GPRC5C: variants seen among roughly 807,000 people sequenced by gnomAD.
GPRC5C encodes the protein G protein-coupled receptor family C group 5 member C.
A neutral mutation model predicts 31.4 loss-of-function variants in GPRC5C; 22 were observed. The observed-to-expected ratio is 0.70, with a 90% confidence interval of 0.50 to 1.00. The LOEUF (loss-of-function observed/expected upper bound fraction) is 1.00. Among genes scored for constraint, GPRC5C ranks in the 50% least tolerant of loss-of-function variants. The pLI is 0.00. For missense variants in GPRC5C, 557 were observed against 597.2 expected (o/e 0.93, Z 0.70); for synonymous variants, 249 against 257.5 (o/e 0.97, Z 0.32).
At position 74,440,734 on chromosome 17, in the gene GPRC5C, CG is replaced by C; in HGVS notation, c.962del (p.Gly321AlafsTer8). On this transcript the variant is annotated frameshift_variant, in exon 2 of 4. Transcript: ENST00000392627. LOFTEE classifies it high-confidence loss of function. The surrounding 1 kb of genome is among the most constrained non-coding windows in gnomAD (Gnocchi z 4.4). ...QSYQGDMYPT[R>X]GVGYETILKE... ...CTACCAGGGGGACATGTACCCCACC[CG>C]GGGCGTGGGCTATGAGACCATCCTG... The C allele has an allele frequency of 6.3e-7, 1 of 1,595,194 alleles. No individual in the cohort carries two copies. The highest frequency in any genetic ancestry group is 8.6e-7 in the Non-Finnish European group (1 of 1,167,082).
At chr17:74,436,885 T>C (rs2055439429) in intron 1 of GPRC5C, among the ~76,000 whole-genome samples, 1 of 152,202 alleles carries the variant, frequency 6.6e-6, no homozygotes, top group African/African-American at 2.4e-5. Flanking sequence ...CCATAAATTA[T>C]CTCCCAGGAG....
chr17:74,447,512 CTCTT>C (rs1480456677), downstream of GPRC5C: 10 of 237,344 alleles, frequency 4.2e-5, no homozygotes, highest in Non-Finnish European at 6.9e-5. Flanking sequence ...TGGGTGACTT[CTCTT>C]TCTTCCCTCC....
rs746003686 is a variant in GPRC5C, at chr17:74,439,964, C to G, written c.188C>G (p.Thr63Ser). 1.9e-6 allele frequency: 3 copies of G among 1,610,514 alleles called. No individual in the cohort carries two copies. Among genetic ancestry groups the G allele is most frequent in the Admixed American group, 1.7e-5 (1 of 60,018 alleles). Reference sequence around the variant, plus strand: ...GCCGTGGCTGGGGCGGGCATTGTCACCACGTTTGTGCTCACCATCATCCTG... The same window carrying G: ...GCCGTGGCTGGGGCGGGCATTGTCAGCACGTTTGTGCTCACCATCATCCTG... ...LEAVAGAGIV[T>S]TFVLTIILVA... The change falls in exon 2 of 4, where the codon ACC (threonine) becomes AGC (serine). Residue 63 changes from threonine (T) to serine (S), a missense_variant. Coordinates refer to ENST00000392627, the MANE Select transcript of GPRC5C (RefSeq NM_022036.4).
At position 74,439,845 on chromosome 17, in the gene GPRC5C, C is replaced by A; in HGVS notation, c.69C>A (p.Ala23=). 1.2e-6 allele frequency: 2 copies of A among 1,613,562 alleles called. No individual in the cohort carries two copies. Among genetic ancestry groups the A allele is most frequent in the Non-Finnish European group, 1.7e-6 (2 of 1,179,992 alleles). ...LPLFLFPGAW[A]QGHVPPGCSQ... ...TCTTCCTGTTCCCAGGGGCCTGGGC[C>A]CAGGGCCATGTCCCACCCGGCTGCA... Residue 23 remains alanine (A), a synonymous_variant, in exon 2 of 4, where the codon GCC becomes GCA. Coordinates refer to ENST00000392627, the MANE Select transcript of GPRC5C (RefSeq NM_022036.4).
In GPRC5C at chr17:74,432,141, G is replaced by C. The variant is rs1212938480; in HGVS notation, c.-33G>C. The C allele has an allele frequency of 6.2e-7, 1 of 1,611,972 alleles. No homozygotes were observed. The highest frequency in any genetic ancestry group is 1.7e-5 in the Admixed American group (1 of 59,842). On this transcript the variant is annotated splice_region_variant and 5_prime_UTR_variant, in exon 1 of 4. Coordinates refer to ENST00000392627, the MANE Select transcript of GPRC5C (RefSeq NM_022036.4). ...AAAGTACGAGTCGGCTCAGCCTGGA[G>C]GTGAGTCGGGGCGGGGAGGGCCGGG... is the stretch of plus-strand genomic sequence containing the variant.
intron 1 of GPRC5C, among the ~76,000 whole-genome samples, chr17:74,434,230 G>T (rs559101313): frequency 2.0e-5 from 3 of 152,198 alleles, no homozygotes; most frequent in Non-Finnish European, 2.9e-5. Context: ...GCTGTGGGGT[G>T]GGGGAGACTC....
chr17:74,440,181 G>T lies in GPRC5C; in HGVS notation c.405G>T (p.Ala135=). The part of the protein sequence containing the change: ...VLFAICFSCL[A]AHVFALNFLA... Reference sequence around the variant, plus strand: ...TCGCCATCTGCTTCTCTTGTCTGGCGGCTCACGTCTTTGCCCTCAACTTCC... The same window carrying T: ...TCGCCATCTGCTTCTCTTGTCTGGCTGCTCACGTCTTTGCCCTCAACTTCC... The change falls in exon 2 of 4, where the codon GCG becomes GCT. Residue 135 remains alanine, a synonymous_variant. Transcript: ENST00000392627. The surrounding 1 kb of genome is among the most constrained non-coding windows in gnomAD (Gnocchi z 4.4). 1.2e-6 allele frequency: 2 copies of T among 1,614,150 alleles called. No homozygotes were observed. The highest frequency in any genetic ancestry group is 1.7e-6 in the Non-Finnish European group (2 of 1,180,022).
chr17:74,440,502 G>T lies in GPRC5C; in HGVS notation c.726G>T (p.Gly242=). 6.2e-7 allele frequency: 1 copy of T among 1,614,160 alleles called. No homozygotes were observed. Among genetic ancestry groups the T allele is most frequent in the Non-Finnish European group, 8.5e-7 (1 of 1,180,040 alleles). Residue 242 remains glycine (G), a synonymous_variant, in exon 2 of 4, where the codon GGG becomes GGT. Coordinates refer to ENST00000392627, the MANE Select transcript of GPRC5C (RefSeq NM_022036.4). This position sits in a 1 kb window ranked among gnomAD's most constrained non-coding sequence, Gnocchi z 4.4. ...GCTACAAGCGCTGGCGTAAGCATGG[G>T]GTCTTTGTGCTCCTCACCACAGCCA... The part of the protein sequence containing the change: ...CGRYKRWRKH[G]VFVLLTTATS...
chr17:74,451,440 G>A (rs920158638), downstream of GPRC5C: 1 of 152,224 alleles, frequency 6.6e-6, no homozygotes, highest in African/African-American at 2.4e-5. Flanking sequence ...TTCTTAGGAG[G>A]AGAGAGGCAG....
At chr17:74,434,931 A>C (rs190507068) in intron 1 of GPRC5C, among the ~76,000 whole-genome samples, 2 of 151,552 alleles carry the variant, frequency 1.3e-5, no homozygotes, top group Non-Finnish European at 2.9e-5. Context: ...CTCAAGAAAA[A>C]AAAAAAGGCT....
At chr17:74,445,771 A>G (rs1180639031) in intron 3 of GPRC5C, 1 of 152,024 alleles carries the variant, frequency 6.6e-6, no homozygotes, top group African/African-American at 2.4e-5. Flanking sequence ...AGGAGCCGGA[A>G]CAGGTACCTC....
chr17:74,435,648 G>C (rs2055422674), intron 1 of GPRC5C, among the ~76,000 whole-genome samples: 2 of 152,188 alleles, frequency 1.3e-5, no homozygotes, highest in African/African-American at 4.8e-5. Context: ...GGAAGTTGCT[G>C]GTCACCAACC....
At chr17:74,448,873 A>G (rs2055680915), downstream of GPRC5C, 4 of 1,289,680 alleles carry the variant, frequency 3.1e-6, no homozygotes, top group Non-Finnish European at 4.0e-6. Context: ...AGGTTTTCCT[A>G]AGACTCTGAC....
At chr17:74,439,636 G>T in intron 1 of GPRC5C, 109 bp from the exon 2 acceptor site, 1 of 1,032,132 alleles carries the variant, frequency 9.7e-7, no homozygotes, top group East Asian at 2.4e-5. Flanking sequence ...GAGCCTCACG[G>T]TCAGCAGCTA....
At chr17:74,438,020 C>A (rs2055459478) in intron 1 of GPRC5C, among the ~76,000 whole-genome samples, 1 of 151,374 alleles carries the variant, frequency 6.6e-6, no homozygotes, top group African/African-American at 2.4e-5. Flanking sequence ...TTTAAATTTT[C>A]TTTTTCTTTT....
At chr17:74,448,834 G>A (rs773147058), downstream of GPRC5C, 14 of 1,286,128 alleles carry the variant, frequency 1.1e-5, no homozygotes, top group Non-Finnish European at 1.3e-5. Context: ...TAAGCGAACT[G>A]ACCCAGAGAG....
At chr17:74,437,995 C>T (rs1337498753) in intron 1 of GPRC5C, among the ~76,000 whole-genome samples, 3 of 151,762 alleles carry the variant, frequency 2.0e-5, no homozygotes, top group Non-Finnish European at 4.4e-5. Flanking sequence ...AACGTATAAC[C>T]TGTTTCTTTA....
chr17:74,447,164 C>G lies in GPRC5C; in HGVS notation c.*136C>G. The G allele has an allele frequency of 2.1e-6, 3 of 1,448,940 alleles. No homozygotes were observed. The Admixed American group carries it at 8.3e-5, about 40-fold the overall frequency. 89.8% of individuals were successfully genotyped at this position (1,448,940 alleles called of 1,614,324 possible). On this transcript the variant is annotated 3_prime_UTR_variant, in exon 4 of 4. Transcript: ENST00000392627. ...GCCCCAGATCTGGAAGGGCCTCCCT[C>G]TCTGCCAGTGTTTGGGTGGGTGTCA...
intron 2 of GPRC5C, among the ~76,000 whole-genome samples, chr17:74,441,336 C>T (rs2055537329): frequency 6.6e-6 from 1 of 152,118 alleles, no homozygotes; most frequent in Non-Finnish European, 1.5e-5. Flanking sequence ...CATACATTCT[C>T]ACTGTAAAAT....
Sources: allele counts gnomAD v4.1 joint callset (sites outside exome capture counted in the v4.1 genomes callset), GRCh38; gene constraint gnomAD v4.1.1; non-coding constraint Gnocchi (gnomAD v3.1); transcripts MANE v1.5; gene names NCBI Gene and HGNC (gene_info 2026-07-23, HGNC 2026-07-21).